Variants in TMEM87B observed in about 807,000 individuals in gnomAD.
The protein encoded by TMEM87B is transmembrane protein 87B.
A neutral mutation model predicts 80.3 loss-of-function variants in TMEM87B; 83 were observed. That is an observed-to-expected ratio of 1.03 (90% CI 0.87 to 1.24). The LOEUF (loss-of-function observed/expected upper bound fraction) is 1.24. TMEM87B is among the 50% of genes most tolerant of loss of function. TMEM87B has a pLI of 0.00. For missense variants in TMEM87B, 625 were observed against 674.4 expected, an observed-to-expected ratio of 0.93 and a Z score of 0.81; for synonymous variants, 219 against 230.5, an observed-to-expected ratio of 0.95 and a Z score of 0.45.
intron 10 of TMEM87B, among the ~76,000 whole-genome samples, chr2:112,090,391 G>A (rs985717549): frequency 1.4e-5 from 1 of 73,438 alleles, no homozygotes; most frequent in Admixed American, 1.4e-4. Context: ...TGGTTGGTTG[G>A]TTGGTTGGTT....
In TMEM87B at chr2:112,055,675, C is replaced by T; in HGVS notation, c.84C>T (p.Val28=). 1.3e-6 allele frequency: 2 copies of T among 1,585,902 alleles called. No individual in the cohort carries two copies. The highest frequency in any genetic ancestry group is 1.7e-6 in the Non-Finnish European group (2 of 1,169,040). The stretch of plus-strand genomic sequence containing the variant: ...CCGCCCGGGCCCCGCTGCTGCGCGT[C>T]GCCCTCTGCCTCCTGTGCTGGACCC... The part of the protein sequence containing the change: ...CFPARAPLLR[V]ALCLLCWTPA... The change falls in exon 1 of 19, where the codon GTC becomes GTT. Residue 28 remains valine (V), a synonymous_variant. Transcript: ENST00000283206.
At chr2:112,056,351 A>G (rs567480611) in intron 1 of TMEM87B, among the ~76,000 whole-genome samples, 1 of 151,682 alleles carries the variant, frequency 6.6e-6, no homozygotes, top group Non-Finnish European at 1.5e-5. Context: ...CGGGAGAGAG[A>G]GTGTGTGTGT....
chr2:112,056,011 T>TA (rs1678044999), intron 1 of TMEM87B, among the ~76,000 whole-genome samples: 2 of 152,184 alleles, frequency 1.3e-5, no homozygotes, highest in South Asian at 4.1e-4. Flanking sequence ...CTCGGACTGT[T>TA]ACTGAGGGTC....
chr2:112,091,562 T>G, intron 10 of TMEM87B, 150 bp from the exon 11 acceptor site: 3 of 626,606 alleles, frequency 4.8e-6, no homozygotes, highest in Non-Finnish European at 8.3e-6. Flanking sequence ...TTCCATGTGC[T>G]TAAACACAAT....
At chr2:112,089,517 T>G in intron 9 of TMEM87B, 108 bp from the exon 10 acceptor site, 2 of 963,004 alleles carry the variant, frequency 2.1e-6, no homozygotes, top group Non-Finnish European at 3.3e-6. Context: ...ACTGATGTGA[T>G]TAGATAGTGA....
chr2:112,094,112 A>G (rs535560264), intron 11 of TMEM87B, among the ~76,000 whole-genome samples: 5 of 152,008 alleles, frequency 3.3e-5, no homozygotes, highest in African/African-American at 1.2e-4. Flanking sequence ...TAAAAAATAA[A>G]CTATCTTTTC....
chr2:112,068,678 T>C (rs151106300), intron 4 of TMEM87B, among the ~76,000 whole-genome samples: 120 of 151,950 alleles, frequency 7.9e-4, no homozygotes, highest in African/African-American at 2.5e-3. Flanking sequence ...CACTCCAGCC[T>C]GGGCAACAGA....
At chr2:112,084,824 C>T (rs1679097558) in intron 8 of TMEM87B, among the ~76,000 whole-genome samples, 1 of 152,186 alleles carries the variant, frequency 6.6e-6, no homozygotes, top group South Asian at 2.1e-4. Context: ...CAGTTTTGTT[C>T]CTCTCCAAAC....
At chr2:112,065,131 T>C (rs541348746) in intron 3 of TMEM87B, among the ~76,000 whole-genome samples, 1 of 152,122 alleles carries the variant, frequency 6.6e-6, no homozygotes, top group Non-Finnish European at 1.5e-5. Flanking sequence ...CCATTATAGC[T>C]GGCTTTCTGT....
intron 4 of TMEM87B, among the ~76,000 whole-genome samples, chr2:112,068,921 G>A (rs58552130): frequency 0.23 from 34,525 of 151,800 alleles, 4,958 homozygotes; most frequent in African/African-American, 0.4. Flanking sequence ...GGCCGGGCGC[G>A]GTGGCTCATG....
chr2:112,072,541 T>C (rs1029104623), intron 4 of TMEM87B, among the ~76,000 whole-genome samples: 5 of 152,212 alleles, frequency 3.3e-5, no homozygotes, highest in African/African-American at 1.2e-4. Context: ...TTCTAAATTT[T>C]CTAGTTTGTG....
intron 11 of TMEM87B, among the ~76,000 whole-genome samples, chr2:112,096,109 T>C (rs926587857): frequency 7.2e-5 from 11 of 152,122 alleles, no homozygotes; most frequent in African/African-American, 2.4e-4. Flanking sequence ...GAGGCCCGCT[T>C]GTCTACCTAT....
chr2:112,059,623 C>G (rs1422290802), intron 1 of TMEM87B, among the ~76,000 whole-genome samples: 2 of 152,116 alleles, frequency 1.3e-5, no homozygotes, highest in African/African-American at 2.4e-5. Flanking sequence ...GGGGACAGTT[C>G]CTTATCAAAA....
chr2:112,093,771 A>G (rs1031811640), intron 11 of TMEM87B, among the ~76,000 whole-genome samples: 7 of 152,188 alleles, frequency 4.6e-5, no homozygotes, highest in African/African-American at 1.7e-4. Context: ...GCAGTGTTCC[A>G]GTGATAAGAG....
At position 112,116,129 on chromosome 2, in the gene TMEM87B, G is replaced by A; in HGVS notation, c.1654G>A (p.Glu552Lys). 6.2e-7 allele frequency: 1 copy of A among 1,612,674 alleles called. No homozygotes were observed. The highest frequency in any genetic ancestry group is 8.5e-7 in the Non-Finnish European group (1 of 1,179,478). The change falls in exon 19 of 19, where the codon GAA (glutamate) becomes AAA (lysine). Residue 552 changes from glutamate to lysine, a missense_variant. Transcript: ENST00000283206. ...AATGGCTGAAAAAATGTTCTCTTCA[G>A]AAAAGATAATGTGATTGGAACCCGT... ...SEMAEKMFSS[E>K]KIM
intron 16 of TMEM87B, among the ~76,000 whole-genome samples, chr2:112,107,451 T>TA (rs1189153064): frequency 6.6e-6 from 1 of 151,638 alleles, no homozygotes; most frequent in Non-Finnish European, 1.5e-5. Flanking sequence ...TTAGGAGGCA[T>TA]AATGAGTGTG....
intron 2 of TMEM87B, 46 bp downstream of exon 2, chr2:112,060,083 C>T: frequency 6.9e-7 from 1 of 1,454,902 alleles, no homozygotes; most frequent in Non-Finnish European, 9.2e-7. Flanking sequence ...CGCAATGGCT[C>T]ACGCCTGTAA....
intron 4 of TMEM87B, among the ~76,000 whole-genome samples, chr2:112,069,655 C>T (rs558083935): frequency 5.3e-5 from 8 of 152,128 alleles, no homozygotes; most frequent in Non-Finnish European, 1.0e-4. Flanking sequence ...TATGACAGAA[C>T]GATTTATATC....
intron 4 of TMEM87B, among the ~76,000 whole-genome samples, chr2:112,068,703 C>CA (rs1245583956): frequency 4.0e-5 from 6 of 151,404 alleles, no homozygotes; most frequent in East Asian, 3.9e-4. Flanking sequence ...GACTCCGTCT[C>CA]AAAAAAAACA....
Sources: allele counts gnomAD v4.1 joint callset (sites outside exome capture counted in the v4.1 genomes callset), GRCh38; gene constraint gnomAD v4.1.1; transcripts MANE v1.5; gene names NCBI Gene and HGNC (gene_info 2026-07-23, HGNC 2026-07-21).